The following ROBO2 variants were observed in gnomAD, a reference collection of about 807,000 sequenced individuals.
ROBO2 encodes the protein roundabout homolog 2.
A neutral mutation model predicts 160.8 loss-of-function variants in ROBO2; 53 were observed. The ratio of observed to expected loss-of-function variants is 0.33; its 90% CI spans 0.26 to 0.41. The LOEUF (loss-of-function observed/expected upper bound fraction) is 0.41. Among genes scored for constraint, ROBO2 ranks in the 10% least tolerant of loss-of-function variants. ROBO2 has a pLI of 1.00. For synonymous variants in ROBO2, 664 were observed against 611.7 expected (o/e 1.09, Z -1.26); for missense variants, 1,577 against 1,722.4 (o/e 0.92, Z 1.49).
intron 2 of ROBO2, among the ~76,000 whole-genome samples, chr3:77,418,278 A>G (rs2077426866): frequency 6.6e-6 from 1 of 152,162 alleles, no homozygotes; most frequent in South Asian, 2.1e-4. Context: ...GTATTTCTAA[A>G]TTAGCTTCTC....
intron 2 of ROBO2, among the ~76,000 whole-genome samples, chr3:76,983,089 G>A (rs949850509): frequency 6.6e-5 from 10 of 152,020 alleles, no homozygotes; most frequent in Non-Finnish European, 1.5e-4. Flanking sequence ...TTTGAGACCA[G>A]CCTGGCCAAC....
intron 1 of ROBO2, among the ~76,000 whole-genome samples, chr3:77,042,665 C>G (rs2064215972): frequency 6.6e-6 from 1 of 152,010 alleles, no homozygotes; most frequent in Non-Finnish European, 1.5e-5. Flanking sequence ...AGTAAGACAC[C>G]ATTTCTGTCT....
intron 2 of ROBO2, among the ~76,000 whole-genome samples, chr3:77,323,944 T>C (rs2065085601): frequency 6.6e-6 from 1 of 152,202 alleles, no homozygotes; most frequent in Non-Finnish European, 1.5e-5. Flanking sequence ...TTTATAACCA[T>C]GTGTAATTTC....
rs183572159 is a variant in ROBO2 at position 76,864,776 on chromosome 3, A to G, written c.110-233238A>G. ...TATTAGAAGGTATGTATATATGGGC[A>G]TATAAACAACTAAAATCAATAATGA... On this transcript the variant is annotated intron_variant, in intron 2 of 26. Coordinates refer to the ROBO2 transcript ENST00000487694. Among the ~76,000 whole-genome samples, 1,223 of 152,228 alleles carry G rather than the reference A, an allele frequency of 8.0e-3. 11 individuals carry two copies. Among genetic ancestry groups the G allele is most frequent in the African/African-American group, 0.028 (1,168 of 41,562 alleles).
chr3:76,721,973 A>C (rs936999889), intron 2 of ROBO2, among the ~76,000 whole-genome samples: 7 of 152,232 alleles, frequency 4.6e-5, no homozygotes, highest in African/African-American at 1.4e-4. Context: ...TCTGCCATGA[A>C]GAAATCAGGT....
intron 2 of ROBO2, among the ~76,000 whole-genome samples, chr3:76,573,523 ATTTTTTT>A (rs145929489): frequency 2.2e-5 from 3 of 136,820 alleles, no homozygotes; most frequent in Non-Finnish European, 4.8e-5. Flanking sequence ...ATAGTTTTCA[ATTTTTTT>A]TTTTTTTTTG....
chr3:76,690,644 A>T (rs2092781440), intron 2 of ROBO2, among the ~76,000 whole-genome samples: 1 of 152,118 alleles, frequency 6.6e-6, no homozygotes, highest in Admixed American at 6.6e-5. Context: ...ATATTTTTAT[A>T]TTTATTATTG....
At chr3:76,380,412 G>A (rs1487339224) in intron 2 of ROBO2, among the ~76,000 whole-genome samples, 1 of 152,156 alleles carries the variant, frequency 6.6e-6, no homozygotes, top group East Asian at 1.9e-4. Context: ...GGCAAAGTAA[G>A]ATATACACTT....
At chr3:77,459,305 C>T (rs2081997770) in intron 2 of ROBO2, among the ~76,000 whole-genome samples, 1 of 152,168 alleles carries the variant, frequency 6.6e-6, no homozygotes, top group African/African-American at 2.4e-5. Flanking sequence ...ATTGAGTAAA[C>T]TCAACAATTA....
chr3:77,288,700 C>A (rs2153382648), intron 2 of ROBO2, among the ~76,000 whole-genome samples: 1 of 152,126 alleles, frequency 6.6e-6, no homozygotes, highest in South Asian at 2.1e-4. Flanking sequence ...ACTGCATTAA[C>A]AGAATGTGTT....
intron 2 of ROBO2, among the ~76,000 whole-genome samples, chr3:76,875,375 A>G (rs898804282): frequency 1.3e-5 from 2 of 152,228 alleles, no homozygotes; most frequent in African/African-American, 2.4e-5. Flanking sequence ...ATTGCTGTGC[A>G]TAGTGTATTA....
At chr3:75,990,980 T>A (rs2065550397) in intron 2 of ROBO2, among the ~76,000 whole-genome samples, 2 of 152,154 alleles carry the variant, frequency 1.3e-5, no homozygotes. Context: ...GTGAATTTGC[T>A]CTAACTGGGA....
chr3:76,270,433 T>A (rs1707361111), intron 2 of ROBO2, among the ~76,000 whole-genome samples: 1 of 152,066 alleles, frequency 6.6e-6, no homozygotes, highest in Non-Finnish European at 1.5e-5. Flanking sequence ...ATTCCCCATA[T>A]TCTAGTTGAG....
chr3:77,182,604 A>G (rs950764926), intron 2 of ROBO2, among the ~76,000 whole-genome samples: 4 of 152,092 alleles, frequency 2.6e-5, no homozygotes, highest in Non-Finnish European at 5.9e-5. Context: ...CTGCCAACCT[A>G]TCGATCAACT....
chr3:76,288,609 A>G (rs1386618981), intron 2 of ROBO2, among the ~76,000 whole-genome samples: 5 of 151,982 alleles, frequency 3.3e-5, no homozygotes, highest in African/African-American at 1.2e-4. Context: ...TGAGCACAGC[A>G]CCTGAGAGTT....
chr3:76,530,120 C>A (rs576010070), intron 2 of ROBO2, among the ~76,000 whole-genome samples: 1 of 152,314 alleles, frequency 6.6e-6, no homozygotes. Flanking sequence ...CCTCAACAGG[C>A]CTGCACCTGC....
At chr3:76,675,192 C>A (rs2106767679) in intron 2 of ROBO2, among the ~76,000 whole-genome samples, 1 of 152,238 alleles carries the variant, frequency 6.6e-6, no homozygotes, top group Admixed American at 6.5e-5. Context: ...TGCAAATGTC[C>A]CTGAGTTTCC....
Position 77,284,131 on chromosome 3 carries a change from C to T in ROBO2, c.388+185791C>T, listed in dbSNP as rs1371742845. 3.3e-5 allele frequency among the ~76,000 whole-genome samples: 5 copies of T among 152,134 alleles called. No individual in the cohort carries two copies. In the East Asian group the frequency reaches 9.6e-4, roughly 29 times the overall value. On this transcript the variant is annotated intron_variant, in intron 2 of 25. Transcript: ENST00000461745. ...TGGGAAATAAGATTTTATTTTAGCA[C>T]AGTCATACCCATTCAATTACTTATT...
chr3:76,156,188 A>C (rs1577082983), intron 2 of ROBO2, among the ~76,000 whole-genome samples: 1 of 152,128 alleles, frequency 6.6e-6, no homozygotes, highest in African/African-American at 2.4e-5. Context: ...ATATTATAGA[A>C]GGAGATGAGC....
Sources: gnomAD v4.1 joint callset for allele counts (sites outside exome capture counted in the v4.1 genomes callset) on GRCh38, gnomAD v4.1.1 for gene constraint, MANE v1.5 for transcripts, NCBI Gene and HGNC (gene_info 2026-07-23, HGNC 2026-07-21) for gene names.